PHF11: variants seen among roughly 807,000 people sequenced by gnomAD.
PHF11 encodes BRCA1 C-terminus-associated protein.
Under a neutral mutation model 40.5 loss-of-function variants are expected in PHF11, and 38 were observed. That is an observed-to-expected ratio of 0.94 (90% CI 0.72 to 1.23). PHF11 has a LOEUF of 1.23. PHF11 is among the 50% of genes most tolerant of loss of function. The pLI is 0.00. For synonymous variants in PHF11, 127 were observed against 138.2 expected (o/e 0.92, Z 0.57); for missense variants, 369 against 392.4 (o/e 0.94, Z 0.50).
chr13:49,501,332 C>G (rs1958905742), intron 1 of PHF11, among the ~76,000 whole-genome samples: 1 of 151,982 alleles, frequency 6.6e-6, no homozygotes, highest in Non-Finnish European at 1.5e-5. Context: ...TTTTTTAAGC[C>G]TGTACTTTAC....
At chr13:49,508,076 TTATAA>T (rs1006395071) in intron 2 of PHF11, among the ~76,000 whole-genome samples, 6 of 148,764 alleles carry the variant, frequency 4.0e-5, no homozygotes, top group East Asian at 3.9e-4. Flanking sequence ...CATTCATATA[TTATAA>T]TATATTATAA....
intron 2 of PHF11, 97 bp from the exon 3 acceptor site, chr13:49,512,962 A>T: frequency 1.5e-6 from 1 of 653,750 alleles, no homozygotes; most frequent in Non-Finnish European, 2.7e-6. Flanking sequence ...TCCATTTCCC[A>T]CTCCTGGTTT....
Position 49,523,170 on chromosome 13 carries a change from C to T in PHF11, c.571-5C>T. 6.3e-7 allele frequency: 1 copy of T among 1,595,352 alleles called. No individual in the cohort carries two copies. Among genetic ancestry groups the T allele is most frequent in the Non-Finnish European group, 8.6e-7 (1 of 1,162,934 alleles). ...ATGTAATGCAATCTTGATTTTCTCTCCTAGCCACCCGAAACAATGAAATGT... is the reference window on the plus strand; with the variant it reads ...ATGTAATGCAATCTTGATTTTCTCTTCTAGCCACCCGAAACAATGAAATGT... On this transcript the variant is annotated splice_polypyrimidine_tract_variant and splice_region_variant and intron_variant, in intron 6 of 9. Transcript: ENST00000378319.
chr13:49,520,092 G>C (rs1208394984), intron 4 of PHF11, among the ~76,000 whole-genome samples: 1 of 152,096 alleles, frequency 6.6e-6, no homozygotes, highest in African/African-American at 2.4e-5. Flanking sequence ...CTGTGGCCCA[G>C]GCTGGACTGC....
chr13:49,527,422 A>G (rs144009414), intron 9 of PHF11: 42 of 152,350 alleles, frequency 2.8e-4, no homozygotes, highest in Admixed American at 2.4e-3. Flanking sequence ...TAGGAAGACA[A>G]TAAGATTTCC....
chr13:49,528,369 G>T, intron 9 of PHF11, 142 bp from the exon 10 acceptor site: 1 of 588,966 alleles, frequency 1.7e-6, no homozygotes, highest in Non-Finnish European at 2.9e-6. Context: ...ACCAGCTCCT[G>T]CCCATAAGGC....
intron 2 of PHF11, among the ~76,000 whole-genome samples, chr13:49,511,389 C>T (rs946725806): frequency 2.8e-5 from 4 of 142,730 alleles, no homozygotes; most frequent in African/African-American, 7.9e-5. Flanking sequence ...TGTGATGGCG[C>T]GATCTCGGCT....
At chr13:49,527,938 G>C (rs1959383710) in intron 9 of PHF11, among the ~76,000 whole-genome samples, 1 of 110,584 alleles carries the variant, frequency 9.0e-6, no homozygotes, top group Non-Finnish European at 2.1e-5. Context: ...TTGTATATGT[G>C]TGTAACTGTT....
chr13:49,500,209 T>C (rs1425427592), intron 1 of PHF11, among the ~76,000 whole-genome samples: 1 of 152,230 alleles, frequency 6.6e-6, no homozygotes, highest in Non-Finnish European at 1.5e-5. Context: ...GGTCAGGCTC[T>C]GTGAGTCCTC....
At chr13:49,509,765 C>T (rs1316113675) in intron 2 of PHF11, among the ~76,000 whole-genome samples, 1 of 152,138 alleles carries the variant, frequency 6.6e-6, no homozygotes, top group Non-Finnish European at 1.5e-5. Flanking sequence ...TGACTTTGCT[C>T]CCCCTTACCT....
At chr13:49,502,368 T>G (rs996214398) in intron 1 of PHF11, among the ~76,000 whole-genome samples, 2 of 152,198 alleles carry the variant, frequency 1.3e-5, no homozygotes, top group South Asian at 4.1e-4. Flanking sequence ...AAGTGTTTTC[T>G]ATGTCCATCT....
chr13:49,520,152 G>A (rs139158057), intron 4 of PHF11, among the ~76,000 whole-genome samples: 2,725 of 152,266 alleles, frequency 0.018, 83 homozygotes, highest in African/African-American at 0.061. Flanking sequence ...GGGTTCAAGC[G>A]ATTCTCCTGC....
At chr13:49,518,562 G>A (rs1015455783) in intron 4 of PHF11, 6 of 152,356 alleles carry the variant, frequency 3.9e-5, no homozygotes, top group African/African-American at 1.5e-4. Flanking sequence ...TTTATGCCAG[G>A]CATAGTTCTA....
rs1958993661 is a variant in PHF11 at position 49,506,582 on chromosome 13, G to A, written c.95-53G>A. 6.9e-6 allele frequency: 11 copies of A among 1,583,146 alleles called. No individual in the cohort carries two copies. The South Asian group carries it at 1.2e-4, about 18-fold the overall frequency. On this transcript the variant is annotated intron_variant, in intron 1 of 9. Coordinates refer to ENST00000378319, the MANE Select transcript of PHF11 (RefSeq NM_001040443.3). Reference sequence around the variant, plus strand: ...CACTTGAAGACTGGAAGAGGAGTTAGTGAGACCAAGAAATTCCACTTTTCC... The same window carrying A: ...CACTTGAAGACTGGAAGAGGAGTTAATGAGACCAAGAAATTCCACTTTTCC...
At position 49,524,051 on chromosome 13, in the gene PHF11, C is replaced by CTAT. The variant is rs753279815; in HGVS notation, c.638-32_638-30dup. The stretch of plus-strand genomic sequence containing the variant: ...TAATTTATGATTAGCTGCCCTAAGA[C>CTAT]TATTTCCTTCTCAAATGTTTGTCTT... On this transcript the variant is annotated intron_variant, in intron 7 of 9. Coordinates refer to ENST00000378319, the MANE Select transcript of PHF11 (RefSeq NM_001040443.3). 18 of 1,583,860 alleles carry CTAT rather than the reference C, an allele frequency of 1.1e-5. No individual in the cohort carries two copies. The African/African-American group carries it at 2.2e-4, about 19-fold the overall frequency.
chr13:49,522,037 T>A lies in PHF11; in HGVS notation c.506-6T>A. 3 of 1,395,486 alleles carry A rather than the reference T, an allele frequency of 2.1e-6. No individual in the cohort carries two copies. The highest frequency in any genetic ancestry group is 2.0e-6 in the Non-Finnish European group (2 of 982,660). 86.4% of individuals were successfully genotyped at this position (1,395,486 alleles called of 1,614,324 possible). A position where few individuals can be genotyped will look rare whatever the true frequency, so the allele number is the denominator to read the frequency against. ...ATTCCAATTTTTAAATGGTTTATAT[T>A]TTTAGCTAAATTTTCAGGAGTGAAA... is the stretch of plus-strand genomic sequence containing the variant. On this transcript the variant is annotated splice_region_variant and splice_polypyrimidine_tract_variant and intron_variant, in intron 5 of 9. Coordinates refer to ENST00000378319, the MANE Select transcript of PHF11 (RefSeq NM_001040443.3).
chr13:49,527,948 T>C (rs1959385358), intron 9 of PHF11, among the ~76,000 whole-genome samples: 1 of 146,312 alleles, frequency 6.8e-6, no homozygotes, highest in Non-Finnish European at 1.5e-5. Flanking sequence ...GTGTAACTGT[T>C]CGATTTTGAG....
rs1184862570 is a variant in PHF11 at position 49,522,767 on chromosome 13, G to GT, written c.571-393dup. Among the ~76,000 whole-genome samples, 312 of 41,968 alleles carry GT rather than the reference G, an allele frequency of 7.4e-3. 3 individuals are homozygous for GT. Among genetic ancestry groups the GT allele is most frequent in the Admixed American group, 0.014 (42 of 3,082 alleles). 27.5% of individuals were successfully genotyped at this position (41,968 alleles called of 152,430 possible). On this transcript the variant is annotated intron_variant, in intron 6 of 9. Coordinates refer to ENST00000378319, the MANE Select transcript of PHF11 (RefSeq NM_001040443.3). ...CTAAATATGAATATGGGGTTTTTTT[G>GT]TTTTTTTTTTTTTTTGAGACAGAGT...
rs142098447 is a variant in PHF11, at chr13:49,503,558, C to T, written c.95-3077C>T. Among the ~76,000 whole-genome samples the T allele has an allele frequency of 2.6e-5, 4 of 152,306 alleles. No individual in the cohort carries two copies. In the East Asian group the frequency reaches 7.7e-4, roughly 29 times the overall value. On this transcript the variant is annotated intron_variant, in intron 1 of 9. Coordinates refer to ENST00000378319, the MANE Select transcript of PHF11 (RefSeq NM_001040443.3). ...GTTGAGCACGTACAATGTGACTGGT[C>T]CTATTGAGACATGCTTTAAGCACAG...
Sources: allele counts gnomAD v4.1 joint callset (sites outside exome capture counted in the v4.1 genomes callset), GRCh38; gene constraint gnomAD v4.1.1; transcripts MANE v1.5; gene names NCBI Gene and HGNC (gene_info 2026-07-23, HGNC 2026-07-21).